GNB4: variants seen among roughly 807,000 people sequenced by gnomAD.
GNB4 encodes the protein guanine nucleotide-binding protein subunit beta-4.
Under a neutral mutation model 45.2 loss-of-function variants are expected in GNB4, and 28 were observed. That is an observed-to-expected ratio of 0.62 (90% confidence interval 0.46 to 0.85). The LOEUF (loss-of-function observed/expected upper bound fraction) is 0.85. Ranked by LOEUF, GNB4 falls within the 40% of genes least tolerant of loss-of-function variation. The pLI, the probability that GNB4 is intolerant of heterozygous loss-of-function variation, is 0.00. For synonymous variants in GNB4, 132 were observed against 143.7 expected (o/e 0.92, Z 0.58); for missense variants, 321 against 425.4 (o/e 0.75, Z 2.16).
chr3:179,403,533 C>A (rs1442607701), intron 9 of GNB4, among the ~76,000 whole-genome samples: 2 of 152,076 alleles, frequency 1.3e-5, no homozygotes, highest in Non-Finnish European at 2.9e-5. Context: ...TGGCTCACGC[C>A]TGTAATCCCA....
At chr3:179,486,220 CAAAAAAAAA>C in the GNB4 span, among the ~76,000 whole-genome samples, 1 of 123,858 alleles carries the variant, frequency 8.1e-6, no homozygotes, top group African/African-American at 3.0e-5. Context: ...GACTCTGTCT[CAAAAAAAAA>C]AAAAAAAAAG....
At chr3:179,407,073 TA>T (rs1222103028) in intron 8 of GNB4, among the ~76,000 whole-genome samples, 15 of 152,180 alleles carry the variant, frequency 9.9e-5, no homozygotes, top group Non-Finnish European at 2.2e-4. Context: ...CTCCATGCCT[TA>T]AAAAACTAAA....
chr3:179,402,699 G>C (rs1227530239), intron 9 of GNB4, among the ~76,000 whole-genome samples: 3 of 152,192 alleles, frequency 2.0e-5, no homozygotes, highest in Non-Finnish European at 4.4e-5. Context: ...TGAATAGTAA[G>C]CCAAGTAACA....
At chr3:179,404,151 A>G (rs1388475356) in intron 9 of GNB4, among the ~76,000 whole-genome samples, 2 of 152,230 alleles carry the variant, frequency 1.3e-5, no homozygotes, top group Non-Finnish European at 2.9e-5. Context: ...AGAAAATACA[A>G]AAAAGCTGCA....
intron 8 of GNB4, among the ~76,000 whole-genome samples, chr3:179,406,670 T>G (rs936701868): frequency 3.9e-5 from 6 of 152,152 alleles, no homozygotes; most frequent in African/African-American, 1.4e-4. Context: ...TGGAGTGCAG[T>G]GGTACAATCT....
the GNB4 span, among the ~76,000 whole-genome samples, chr3:179,500,819 C>T: frequency 2.0e-5 from 3 of 152,010 alleles, no homozygotes; most frequent in Admixed American, 2.0e-4. Flanking sequence ...AGTTGGATTC[C>T]TAGGTATTTT....
chr3:179,522,526 C>T, the GNB4 span, among the ~76,000 whole-genome samples: 1 of 152,160 alleles, frequency 6.6e-6, no homozygotes, highest in Non-Finnish European at 1.5e-5. Context: ...ACACGTACTC[C>T]TTTTGCAAGA....
In GNB4 at chr3:179,397,613, T is replaced by A. The variant is rs1040824235; in HGVS notation, c.*3600A>T. 4 of 152,662 alleles carry A rather than the reference T, an allele frequency of 2.6e-5. No homozygotes were observed. The highest frequency in any genetic ancestry group is 9.7e-5 in the African/African-American group (4 of 41,446). The allele number at this position is 152,662 out of a possible 1,614,324, so 9.5% of individuals were successfully genotyped here. On this transcript the variant is annotated 3_prime_UTR_variant, in exon 10 of 10. Transcript: ENST00000232564. ...AAGACGGAATTCAATGTGGTGTGTG[T>A]AATCACAAGTAAAAACTTGAGCTAG...
intron 8 of GNB4, among the ~76,000 whole-genome samples, chr3:179,407,115 T>C (rs1714496272): frequency 6.6e-6 from 1 of 152,114 alleles, no homozygotes; most frequent in Non-Finnish European, 1.5e-5. Context: ...TAAAACATGG[T>C]TCTAAAAACA....
the GNB4 span, among the ~76,000 whole-genome samples, chr3:179,512,979 A>G: frequency 1.3e-5 from 2 of 151,972 alleles, no homozygotes; most frequent in Non-Finnish European, 2.9e-5. Flanking sequence ...CATGCTTTTT[A>G]ATTTTAAAAA....
At chr3:179,467,923 T>C in the GNB4 span, among the ~76,000 whole-genome samples, 1 of 151,380 alleles carries the variant, frequency 6.6e-6, no homozygotes, top group Non-Finnish European at 1.5e-5. Flanking sequence ...GGAGTTTGAC[T>C]TTGGGAATAA....
the GNB4 span, among the ~76,000 whole-genome samples, chr3:179,481,489 TA>T: frequency 1.3e-5 from 2 of 151,956 alleles, no homozygotes; most frequent in South Asian, 4.2e-4. Flanking sequence ...GCTTCTTTTA[TA>T]AAAAACTTTT....
At chr3:179,451,995 C>G (rs1467876251), upstream of GNB4, among the ~76,000 whole-genome samples, 2 of 152,284 alleles carry the variant, frequency 1.3e-5, no homozygotes, top group East Asian at 3.9e-4. Flanking sequence ...CGTCTCGGGC[C>G]TAAGTTTCGT....
chr3:179,440,847 T>C lies in GNB4; in HGVS notation c.-43+10499A>G, dbSNP rs115719815. On this transcript the variant is annotated intron_variant, in intron 1 of 9. Coordinates refer to ENST00000232564, the MANE Select transcript of GNB4 (RefSeq NM_021629.4). ...TTGATATGTTTCTATTCTTTCGGTG[T>C]ATTTTTTAAAAATTCCTATATATAT... 3.3e-3 allele frequency among the ~76,000 whole-genome samples: 498 copies of C among 150,172 alleles called. 2 individuals are homozygous for C. Among genetic ancestry groups the C allele is most frequent in the African/African-American group, 0.012 (476 of 40,270 alleles).
At chr3:179,437,216 G>A (rs370442684) in intron 1 of GNB4, among the ~76,000 whole-genome samples, 1 of 152,154 alleles carries the variant, frequency 6.6e-6, no homozygotes, top group East Asian at 1.9e-4. Flanking sequence ...CCAGACCCCA[G>A]AGCAGCACCC....
chr3:179,507,401 A>AAGGAAGGAAGGGAAGAAGG, the GNB4 span, among the ~76,000 whole-genome samples: 1 of 152,178 alleles, frequency 6.6e-6, no homozygotes, highest in African/African-American at 2.4e-5. Flanking sequence ...GGAAGGAAGG[A>AAGGAAGGAAGGGAAGAAGG]AGGAAGGAAG....
chr3:179,456,165 G>A (rs916689069), upstream of GNB4, among the ~76,000 whole-genome samples: 24 of 147,166 alleles, frequency 1.6e-4, no homozygotes, highest in African/African-American at 4.8e-4. Context: ...AGGGTGGAGC[G>A]CAGTGGCGCA....
the GNB4 span, among the ~76,000 whole-genome samples, chr3:179,512,661 CTGCATTCATTTCTGCTTTG>C: frequency 6.6e-6 from 1 of 152,202 alleles, no homozygotes; most frequent in Non-Finnish European, 1.5e-5. Flanking sequence ...CATTTTTTCT[CTGCATTCATTTCTGCTTTG>C]TGCTCAGAGC....
chr3:179,419,722 A>G (rs143354368), intron 3 of GNB4, among the ~76,000 whole-genome samples: 226 of 152,338 alleles, frequency 1.5e-3, no homozygotes, highest in African/African-American at 5.3e-3. Context: ...GTTATAAATA[A>G]TATACATAAA....
Sources: gnomAD v4.1 joint callset for allele counts (sites outside exome capture counted in the v4.1 genomes callset) on GRCh38, gnomAD v4.1.1 for gene constraint, MANE v1.5 for transcripts, NCBI Gene and HGNC (gene_info 2026-07-23, HGNC 2026-07-21) for gene names.